The following DSCAM variants were observed in gnomAD, a reference collection of about 807,000 sequenced individuals.
DSCAM encodes cell adhesion molecule DSCAM.
In DSCAM, 47 loss-of-function variants were observed where a neutral mutation model predicts 217.7. The ratio of observed to expected loss-of-function variants is 0.22; its 90% confidence interval spans 0.17 to 0.28. The LOEUF (loss-of-function observed/expected upper bound fraction) is 0.28. Among genes scored for constraint, DSCAM ranks in the 10% least tolerant of loss-of-function variants. DSCAM has a pLI of 1.00. For missense variants in DSCAM, 2,080 were observed against 2,618.3 expected, an observed-to-expected ratio of 0.79 and a Z score of 4.49; for synonymous variants, 1,056 against 1,015.3, an observed-to-expected ratio of 1.04 and a Z score of -0.76.
chr21:40,325,170 T>C (rs575834746), intron 8 of DSCAM, among the ~76,000 whole-genome samples: 3 of 152,146 alleles, frequency 2.0e-5, no homozygotes, highest in Non-Finnish European at 4.4e-5. Context: ...AGTAAAGTGC[T>C]GAAATATGTT....
intron 1 of DSCAM, among the ~76,000 whole-genome samples, chr21:40,723,805 C>T (rs1487915005): frequency 5.9e-5 from 9 of 152,094 alleles, no homozygotes. Flanking sequence ...TTCTGAGGTG[C>T]TATAAGAACA....
At chr21:40,243,355 A>C (rs572565717) in intron 11 of DSCAM, among the ~76,000 whole-genome samples, 5 of 152,228 alleles carry the variant, frequency 3.3e-5, no homozygotes, top group African/African-American at 1.2e-4. Context: ...TTGCTTTGGT[A>C]AAAAAGCACA....
At chr21:40,789,553 ATTTTTTTTT>A (rs3071032) in intron 1 of DSCAM, among the ~76,000 whole-genome samples, 2 of 128,736 alleles carry the variant, frequency 1.6e-5, no homozygotes, top group African/African-American at 6.0e-5. Context: ...GAGTAGATTG[ATTTTTTTTT>A]TTTTTTTTTT....
At chr21:40,435,734 C>T (rs1007764602) in intron 3 of DSCAM, among the ~76,000 whole-genome samples, 34 of 152,246 alleles carry the variant, frequency 2.2e-4, no homozygotes, top group Non-Finnish European at 3.7e-4. Flanking sequence ...TTCAGTTTCA[C>T]TGATCTCTAT....
intron 11 of DSCAM, among the ~76,000 whole-genome samples, chr21:40,228,857 G>A (rs1385594289): frequency 6.6e-6 from 1 of 151,192 alleles, no homozygotes; most frequent in African/African-American, 2.4e-5. Flanking sequence ...TTGCTTCCAG[G>A]TTCTCTTAGC....
intron 32 of DSCAM, among the ~76,000 whole-genome samples, chr21:40,025,969 G>A (rs1345496598): frequency 6.8e-6 from 1 of 147,162 alleles, no homozygotes; most frequent in Non-Finnish European, 1.5e-5. Context: ...ATGTTAGGGT[G>A]TCAATTTTGG....
At chr21:40,737,403 C>T (rs968541523) in intron 1 of DSCAM, among the ~76,000 whole-genome samples, 4 of 152,064 alleles carry the variant, frequency 2.6e-5, no homozygotes, top group Admixed American at 2.0e-4. Context: ...TTTAGGAGGC[C>T]GAAGCAGGTG....
chr21:40,045,660 G>T (rs999946446), intron 30 of DSCAM, among the ~76,000 whole-genome samples: 3 of 152,186 alleles, frequency 2.0e-5, no homozygotes, highest in Non-Finnish European at 4.4e-5. Context: ...TCCTAGATGG[G>T]TCTTTTCTAC....
rs572577105 is a variant in DSCAM at position 40,019,913 on chromosome 21, T to C, written c.5687-6527A>G. Among the ~76,000 whole-genome samples the C allele has an allele frequency of 2.0e-5, 3 of 152,300 alleles. No homozygotes were observed. The East Asian group carries it at 5.8e-4, about 29-fold the overall frequency. ...TTGCTTCCCTCAACCTTTCTCCACA[T>C]TTCCCCCCTTCCCCTTCTCCCTCCT... is the stretch of plus-strand genomic sequence containing the variant. On this transcript the variant is annotated intron_variant, in intron 32 of 32. Coordinates refer to ENST00000400454, the MANE Select transcript of DSCAM (RefSeq NM_001389.5).
At chr21:40,347,520 T>G (rs2074571718) in intron 6 of DSCAM, 150 bp downstream of exon 6, 2 of 1,053,214 alleles carry the variant, frequency 1.9e-6, no homozygotes, top group African/African-American at 3.2e-5. Flanking sequence ...TTTGCCTGAT[T>G]TAGCTTGAAA....
At chr21:40,114,638 G>A (rs1017579738) in intron 20 of DSCAM, among the ~76,000 whole-genome samples, 1 of 152,114 alleles carries the variant, frequency 6.6e-6, no homozygotes, top group Non-Finnish European at 1.5e-5. Flanking sequence ...CCTACAGAAT[G>A]GGAGAAAATT....
chr21:40,151,492 CCT>C (rs1242599195), intron 16 of DSCAM, among the ~76,000 whole-genome samples: 4 of 152,144 alleles, frequency 2.6e-5, no homozygotes, highest in Non-Finnish European at 4.4e-5. Flanking sequence ...GTTATTTCCC[CCT>C]GTCTAAATCG....
At chr21:40,660,773 T>C (rs2090130287) in intron 3 of DSCAM, among the ~76,000 whole-genome samples, 1 of 152,236 alleles carries the variant, frequency 6.6e-6, no homozygotes, top group African/African-American at 2.4e-5. Context: ...CCTCTGCCAT[T>C]ATATGTCCTT....
intron 3 of DSCAM, among the ~76,000 whole-genome samples, chr21:40,410,738 T>C (rs1420545639): frequency 2.0e-5 from 3 of 147,004 alleles, no homozygotes. Context: ...AAACTGTTGA[T>C]ATAGAATTCT....
At chr21:40,603,267 C>T (rs145335440) in intron 3 of DSCAM, among the ~76,000 whole-genome samples, 1 of 152,038 alleles carries the variant, frequency 6.6e-6, no homozygotes, top group East Asian at 1.9e-4. Context: ...GGTGAATAGA[C>T]CATGTGAATT....
chr21:40,260,432 T>C (rs2073434603), intron 11 of DSCAM, among the ~76,000 whole-genome samples: 1 of 152,226 alleles, frequency 6.6e-6, no homozygotes, highest in South Asian at 2.1e-4. Context: ...CACTGCCCTG[T>C]AGCATGGACA....
intron 3 of DSCAM, among the ~76,000 whole-genome samples, chr21:40,411,622 A>C (rs2075324069): frequency 6.6e-6 from 1 of 152,240 alleles, no homozygotes; most frequent in Admixed American, 6.5e-5. Flanking sequence ...ACTACTCAAC[A>C]TAAGTTATAA....
At chr21:40,295,908 T>C in intron 10 of DSCAM, 147 bp downstream of exon 10, 7 of 952,962 alleles carry the variant, frequency 7.3e-6, no homozygotes, top group Non-Finnish European at 1.0e-5. Flanking sequence ...CAACTAGGAA[T>C]GTCTATGAGA....
intron 10 of DSCAM, among the ~76,000 whole-genome samples, chr21:40,280,690 T>C (rs1314556101): frequency 6.6e-6 from 1 of 152,216 alleles, no homozygotes; most frequent in Admixed American, 6.5e-5. Context: ...TAATATCTTC[T>C]AAACATAAAA....
Sources: gnomAD v4.1 joint callset for allele counts (sites outside exome capture counted in the v4.1 genomes callset) on GRCh38, gnomAD v4.1.1 for gene constraint, MANE v1.5 for transcripts, NCBI Gene and HGNC (gene_info 2026-07-23, HGNC 2026-07-21) for gene names.